The following FRY variants were observed in gnomAD, a reference collection of about 807,000 sequenced individuals.
The protein encoded by FRY is protein furry homolog.
In FRY, 128 loss-of-function variants were observed where a neutral mutation model predicts 348.4. That is an observed-to-expected ratio of 0.37 (90% CI 0.32 to 0.43). The LOEUF is 0.43. Ranked by LOEUF, FRY falls within the 20% of genes least tolerant of loss-of-function variation. The probability of loss-of-function intolerance (pLI) is 1.00; values close to 1 mark genes in which losing one functional copy is unlikely to be tolerated. For missense variants in FRY, 2,736 were observed against 3,695.2 expected (o/e 0.74, Z 6.73); for synonymous variants, 1,370 against 1,374.7 (o/e 1.00, Z 0.08).
intron 1 of FRY, among the ~76,000 whole-genome samples, chr13:32,047,583 G>GC (rs907140223): frequency 4.0e-5 from 6 of 148,250 alleles, no homozygotes; most frequent in South Asian, 4.4e-4. Context: ...TTTTTTTTTG[G>GC]GGGGGGTGCA....
intron 16 of FRY, among the ~76,000 whole-genome samples, chr13:32,160,179 A>T (rs1881360274): frequency 6.6e-6 from 1 of 152,340 alleles, no homozygotes; most frequent in East Asian, 1.9e-4. Flanking sequence ...TTGCATTTCT[A>T]TTCTGACTAC....
chr13:32,122,622 G>A (rs1323734103), intron 4 of FRY, among the ~76,000 whole-genome samples: 1 of 152,096 alleles, frequency 6.6e-6, no homozygotes, highest in African/African-American at 2.4e-5. Flanking sequence ...TCTGAGAACT[G>A]GAACAAGACA....
chr13:32,137,829 A>G (rs1879817546), intron 11 of FRY, among the ~76,000 whole-genome samples: 1 of 151,994 alleles, frequency 6.6e-6, no homozygotes, highest in South Asian at 2.1e-4. Context: ...TATACACGTT[A>G]CCTTTTTTTT....
intron 33 of FRY, 54 bp downstream of exon 33, chr13:32,209,785 G>T: frequency 6.4e-7 from 1 of 1,560,756 alleles, no homozygotes; most frequent in Non-Finnish European, 8.8e-7. Flanking sequence ...ACTCCCATGT[G>T]CAATTTGCAA....
At chr13:32,115,646 T>A (rs1181103126) in intron 3 of FRY, among the ~76,000 whole-genome samples, 1 of 152,194 alleles carries the variant, frequency 6.6e-6, no homozygotes, top group African/African-American at 2.4e-5. Context: ...TCATCAACAG[T>A]TACTTTATAC....
intron 16 of FRY, 127 bp from the exon 17 acceptor site, chr13:32,161,017 T>C (rs988613694): frequency 4.2e-6 from 3 of 709,412 alleles, no homozygotes; most frequent in African/African-American, 1.8e-5. Context: ...TTGAGAGTAA[T>C]ATGGAGCTAA....
chr13:32,183,148 A>C, intron 24 of FRY, 114 bp downstream of exon 24: 1 of 624,284 alleles, frequency 1.6e-6, no homozygotes, highest in African/African-American at 1.9e-5. Context: ...CTTTTAACAA[A>C]TGAATCTTTA....
At chr13:32,207,158 T>G (rs1884400063) in intron 31 of FRY, among the ~76,000 whole-genome samples, 1 of 152,194 alleles carries the variant, frequency 6.6e-6, no homozygotes, top group South Asian at 2.1e-4. Context: ...AATGCATAAG[T>G]CTTTGCTCCG....
At chr13:32,287,788 G>A (rs761491517) in intron 58 of FRY, 66 of 680,576 alleles carry the variant, frequency 9.7e-5, no homozygotes, top group Non-Finnish European at 1.4e-4. Context: ...GAAAAGGGCC[G>A]TGCTTTCTGT....
At chr13:32,245,663 C>T (rs1162372755) in intron 47 of FRY, among the ~76,000 whole-genome samples, 1 of 151,970 alleles carries the variant, frequency 6.6e-6, no homozygotes, top group Non-Finnish European at 1.5e-5. Flanking sequence ...GGACGAGTTT[C>T]TAGAGCCTGG....
chr13:32,057,959 C>CAA (rs143517073), intron 1 of FRY, among the ~76,000 whole-genome samples: 17 of 150,552 alleles, frequency 1.1e-4, no homozygotes, highest in East Asian at 3.9e-4. Flanking sequence ...GACTCCGTCT[C>CAA]AAAAAAAAAT....
intron 1 of FRY, among the ~76,000 whole-genome samples, chr13:32,073,544 GGTGT>G (rs35631279): frequency 6.3e-4 from 94 of 148,566 alleles, no homozygotes; most frequent in Non-Finnish European, 9.6e-4. Flanking sequence ...TATGTGGGCG[GGTGT>G]GTGTGTGTGT....
chr13:32,146,264 A>G (rs1880442392), intron 11 of FRY, among the ~76,000 whole-genome samples: 1 of 151,928 alleles, frequency 6.6e-6, no homozygotes. Context: ...ATGTGTGTGC[A>G]TTATGAATGA....
intron 35 of FRY, among the ~76,000 whole-genome samples, chr13:32,214,339 C>T (rs935592779): frequency 6.6e-6 from 1 of 152,230 alleles, no homozygotes; most frequent in Non-Finnish European, 1.5e-5. Context: ...TTACACCAAG[C>T]TTGTCCAACC....
chr13:32,111,675 T>A lies in FRY; in HGVS notation c.325-5659T>A, dbSNP rs115562793. 9.0e-3 allele frequency among the ~76,000 whole-genome samples: 1,364 copies of A among 152,314 alleles called. 9 individuals are homozygous for A. The highest frequency in any genetic ancestry group is 0.031 in the African/African-American group (1,303 of 41,564). On this transcript the variant is annotated intron_variant, in intron 3 of 60. Coordinates refer to ENST00000542859, the MANE Select transcript of FRY (RefSeq NM_023037.3). ...ACATGTGTTTTACAGAACGCTCTTA[T>A]ACCAAATGAAGTACAGGAGCTTCAC...
At chr13:32,294,269 A>G (rs1351644316) in intron 59 of FRY, 99 bp from the exon 60 acceptor site, 3 of 795,166 alleles carry the variant, frequency 3.8e-6, no homozygotes, top group Non-Finnish European at 6.5e-6. Context: ...TATTAAGCTT[A>G]TGCTTAACCA....
chr13:32,054,208 C>CTTTTT (rs145256787), intron 1 of FRY, among the ~76,000 whole-genome samples: 1 of 148,838 alleles, frequency 6.7e-6, no homozygotes, highest in African/African-American at 2.5e-5. Flanking sequence ...TGAACACACC[C>CTTTTT]TTTTTTTTTT....
intron 55 of FRY, among the ~76,000 whole-genome samples, chr13:32,268,972 A>G (rs1227281589): frequency 6.6e-6 from 1 of 152,218 alleles, no homozygotes; most frequent in Admixed American, 6.5e-5. Flanking sequence ...CCAACTTTGA[A>G]TAGACTTGAA....
intron 29 of FRY, among the ~76,000 whole-genome samples, chr13:32,199,327 T>C (rs1883867074): frequency 6.6e-6 from 1 of 151,934 alleles, no homozygotes; most frequent in Non-Finnish European, 1.5e-5. Flanking sequence ...ATTACAAGAG[T>C]AGTTGTTTAT....
Sources: allele counts gnomAD v4.1 joint callset (sites outside exome capture counted in the v4.1 genomes callset), GRCh38; gene constraint gnomAD v4.1.1; transcripts MANE v1.5; gene names NCBI Gene and HGNC (gene_info 2026-07-23, HGNC 2026-07-21).